Variants in CDC42EP3 observed in about 807,000 individuals in gnomAD.
CDC42EP3 encodes CDC42 effector protein (Rho GTPase binding) 3.
CDC42EP3 carries 4 observed loss-of-function variants against 15.5 expected under a neutral mutation model. That is an observed-to-expected ratio of 0.26 (90% CI 0.13 to 0.59). CDC42EP3 has a LOEUF of 0.59. Among genes scored for constraint, CDC42EP3 ranks in the 20% least tolerant of loss-of-function variants. The pLI is 0.89. For synonymous variants in CDC42EP3, 145 were observed against 130.3 expected, an observed-to-expected ratio of 1.11 and a Z score of -0.77; for missense variants, 309 against 311.2, an observed-to-expected ratio of 0.99 and a Z score of 0.05.
chr2:37,645,703 G>T lies in CDC42EP3; in HGVS notation c.*120C>A. On this transcript the variant is annotated 3_prime_UTR_variant, in exon 2 of 2. Coordinates refer to ENST00000295324, the MANE Select transcript of CDC42EP3 (RefSeq NM_006449.5). Reference sequence around the variant, plus strand: ...TAACAGGTAAAAAAATACTTTGTAAGAATATTATTTTAGAAAACCCAACAC... The same window carrying T: ...TAACAGGTAAAAAAATACTTTGTAATAATATTATTTTAGAAAACCCAACAC... 1.3e-6 allele frequency: 1 copy of T among 796,696 alleles called. No homozygotes were observed. The highest frequency in any genetic ancestry group is 1.9e-6 in the Non-Finnish European group (1 of 521,696). The allele number at this position is 796,696 out of a possible 1,614,324, so 49.4% of individuals were successfully genotyped here.
chr2:37,664,724 A>T (rs1055811430), intron 1 of CDC42EP3, among the ~76,000 whole-genome samples: 5 of 152,216 alleles, frequency 3.3e-5, no homozygotes, highest in African/African-American at 1.2e-4. Flanking sequence ...ATCCTTGAGG[A>T]GCCGGTAGTC....
At chr2:37,647,095 A>C (rs898258015) in intron 1 of CDC42EP3, among the ~76,000 whole-genome samples, 2 of 152,252 alleles carry the variant, frequency 1.3e-5, no homozygotes, top group African/African-American at 4.8e-5. Context: ...ATTTTCCTCT[A>C]AGAATTGCTG....
In CDC42EP3 at chr2:37,645,697, T is replaced by A; in HGVS notation, c.*126A>T. ...AGGGCATAACAGGTAAAAAAATACT[T>A]TGTAAGAATATTATTTTAGAAAACC... On this transcript the variant is annotated 3_prime_UTR_variant, in exon 2 of 2. Coordinates refer to ENST00000295324, the MANE Select transcript of CDC42EP3 (RefSeq NM_006449.5). The A allele has an allele frequency of 1.3e-6, 1 of 778,460 alleles. No individual in the cohort carries two copies. The highest frequency in any genetic ancestry group is 2.0e-6 in the Non-Finnish European group (1 of 506,954). 48.2% of individuals were successfully genotyped at this position (778,460 alleles called of 1,614,324 possible).
intron 1 of CDC42EP3, among the ~76,000 whole-genome samples, chr2:37,659,320 T>A (rs772963189): frequency 2.0e-5 from 3 of 152,214 alleles, no homozygotes; most frequent in African/African-American, 7.2e-5. Flanking sequence ...AAAACAAACA[T>A]GTAACAAGAA....
Position 37,646,310 on chromosome 2 carries a change from G to C in CDC42EP3, c.278C>G (p.Ser93Cys), listed in dbSNP as rs1665465717. 1 of 1,614,198 alleles carries C rather than the reference G, an allele frequency of 6.2e-7. No individual in the cohort carries two copies. The highest frequency in any genetic ancestry group is 8.5e-7 in the Non-Finnish European group (1 of 1,180,038). The change falls in exon 2 of 2, where the codon TCT (serine) becomes TGT (cysteine). Residue 93 changes from serine to cysteine, a missense_variant. Coordinates refer to ENST00000295324, the MANE Select transcript of CDC42EP3 (RefSeq NM_006449.5). ...EFFRANSTSD[S>C]VFTETPSPVL... ...CGGGGAGGGCGTTTCTGTGAACACA[G>C]AGTCCGAGGTGCTGTTGGCCCGGAA...
At chr2:37,671,707 G>C (rs949334234), upstream of CDC42EP3, 6 of 151,146 alleles carry the variant, frequency 4.0e-5, no homozygotes, top group African/African-American at 1.5e-4. Flanking sequence ...GGGCGGGGCC[G>C]GCGGCGCGGG....
chr2:37,646,477 G>C lies in CDC42EP3; in HGVS notation c.111C>G (p.Asp37Glu), dbSNP rs1265216382. 1 of 1,614,028 alleles carries C rather than the reference G, an allele frequency of 6.2e-7. No homozygotes were observed. Among genetic ancestry groups the C allele is most frequent in the Non-Finnish European group, 8.5e-7 (1 of 1,180,018 alleles). Residue 37 changes from aspartate (D) to glutamate (E), a missense_variant, in exon 2 of 2, where the codon GAC becomes GAG. By Grantham distance (45) the Asp-to-Glu change is conservative (BLOSUM62 2). Transcript: ENST00000295324. ...TGCCAATGTGGATGGTGTGGCGAAA[G>C]TCTCCAAGCGGGGGACTGATCATAT... ...SPDMISPPLG[D>E]FRHTIHIGKE...
At chr2:37,661,257 C>T (rs1334974590) in intron 1 of CDC42EP3, among the ~76,000 whole-genome samples, 3 of 152,048 alleles carry the variant, frequency 2.0e-5, no homozygotes, top group East Asian at 3.9e-4. Context: ...GTTTTGAACA[C>T]TTAGGGGATA....
At chr2:37,651,533 C>G (rs775225520) in intron 1 of CDC42EP3, among the ~76,000 whole-genome samples, 2 of 152,198 alleles carry the variant, frequency 1.3e-5, no homozygotes, top group Non-Finnish European at 2.9e-5. Flanking sequence ...AGGCCTGAGC[C>G]ACGTCTCCCC....
rs1416136688 is a variant in CDC42EP3, at chr2:37,642,475, T to A, written c.*3348A>T. On this transcript the variant is annotated 3_prime_UTR_variant, in exon 2 of 2. Coordinates refer to ENST00000295324, the MANE Select transcript of CDC42EP3 (RefSeq NM_006449.5). ...AATAAGTCAATCATTCAGATTAATC[T>A]GGGAGGCTAATTCTAAAATCGGATT... 1 of 152,236 alleles carries A rather than the reference T, an allele frequency of 6.6e-6. No individual in the cohort carries two copies. Among genetic ancestry groups the A allele is most frequent in the East Asian group, 1.9e-4 (1 of 5,194 alleles). The allele number at this position is 152,236 out of a possible 1,614,324, so 9.4% of individuals were successfully genotyped here.
intron 1 of CDC42EP3, among the ~76,000 whole-genome samples, chr2:37,653,247 G>A (rs1665744860): frequency 6.6e-6 from 1 of 152,176 alleles, no homozygotes; most frequent in African/African-American, 2.4e-5. Flanking sequence ...GCACAGTGCT[G>A]CTGAGAACGG....
upstream of CDC42EP3, among the ~76,000 whole-genome samples, chr2:37,672,811 G>A (rs1434933063): frequency 2.6e-5 from 4 of 152,190 alleles, no homozygotes; most frequent in African/African-American, 9.6e-5. Context: ...GGCACAACGC[G>A]GAGAACCTCC....
chr2:37,654,193 T>C (rs1665776751), intron 1 of CDC42EP3, among the ~76,000 whole-genome samples: 1 of 151,968 alleles, frequency 6.6e-6, no homozygotes. Flanking sequence ...AACCAGAAGA[T>C]AATAATTCCA....
At chr2:37,664,105 C>T (rs977537840) in intron 1 of CDC42EP3, among the ~76,000 whole-genome samples, 27 of 152,186 alleles carry the variant, frequency 1.8e-4, no homozygotes, top group African/African-American at 5.1e-4. Context: ...ACCTGGGAGG[C>T]GGAGCTTGCA....
chr2:37,662,274 G>A (rs1572522244), intron 1 of CDC42EP3, among the ~76,000 whole-genome samples: 1 of 152,254 alleles, frequency 6.6e-6, no homozygotes, highest in East Asian at 1.9e-4. Flanking sequence ...GGCAAAGGTG[G>A]GAGTCTTCCT....
At chr2:37,661,053 T>C (rs74263006) in intron 1 of CDC42EP3, among the ~76,000 whole-genome samples, 14,779 of 152,050 alleles carry the variant, frequency 0.097, 1,423 homozygotes, top group East Asian at 0.47. Context: ...TGAAAAACTA[T>C]AGGGAGTAGT....
At position 37,670,205 on chromosome 2, in the gene CDC42EP3, A is replaced by AATAGC. The variant is rs1226785209; in HGVS notation, c.-236+1220_-236+1221insGCTAT. Among the ~76,000 whole-genome samples the AATAGC allele has an allele frequency of 8.4e-3, 1,284 of 152,288 alleles. 19 individuals carry two copies. The highest frequency in any genetic ancestry group is 0.029 in the African/African-American group (1,193 of 41,560). On this transcript the variant is annotated intron_variant, in intron 1 of 1. Transcript: ENST00000295324. ...CCTGTGATGTTAACAGGAAGTCCCTAAAACTGGCTTTGCTATTAAAATACA... is the reference window on the plus strand; with the variant it reads ...CCTGTGATGTTAACAGGAAGTCCCTAATAGCAAACTGGCTTTGCTATTAAAATACA...
chr2:37,645,404 A>C lies in CDC42EP3; in HGVS notation c.*419T>G, dbSNP rs1665418204. On this transcript the variant is annotated 3_prime_UTR_variant, in exon 2 of 2. Coordinates refer to ENST00000295324, the MANE Select transcript of CDC42EP3 (RefSeq NM_006449.5). ...AAGCAATATATAGAAAAGAGTCTAC[A>C]AAAAGGCTTAGGTGTTAAATAAATT... The C allele has an allele frequency of 1.3e-5, 2 of 155,602 alleles. No homozygotes were observed. Among genetic ancestry groups the C allele is most frequent in the South Asian group, 4.0e-4 (2 of 4,992 alleles). 9.6% of individuals were successfully genotyped at this position (155,602 alleles called of 1,614,324 possible). A position where few individuals can be genotyped will look rare whatever the true frequency, so the allele number is the denominator to read the frequency against.
chr2:37,658,398 C>T, intron 1 of CDC42EP3, among the ~76,000 whole-genome samples: 1 of 152,162 alleles, frequency 6.6e-6, no homozygotes, highest in East Asian at 1.9e-4. Flanking sequence ...GCTCCATATT[C>T]CTTGTGCACA....
Sources: gnomAD v4.1 joint callset for allele counts (sites outside exome capture counted in the v4.1 genomes callset) on GRCh38, gnomAD v4.1.1 for gene constraint, MANE v1.5 for transcripts, NCBI Gene and HGNC (gene_info 2026-07-23, HGNC 2026-07-21) for gene names.